Variants in RGS22 observed in about 807,000 individuals in gnomAD.
RGS22 encodes regulator of G protein signaling 22.
Under a neutral mutation model 172.9 loss-of-function variants are expected in RGS22, and 148 were observed. The ratio of observed to expected loss-of-function variants is 0.86; its 90% confidence interval spans 0.75 to 0.98. The LOEUF is 0.98. Ranked by LOEUF, RGS22 falls within the 50% of genes least tolerant of loss-of-function variation. The pLI is 0.00. For synonymous variants in RGS22, 458 were observed against 480.2 expected, an observed-to-expected ratio of 0.95 and a Z score of 0.60; for missense variants, 1,347 against 1,440.8, an observed-to-expected ratio of 0.93 and a Z score of 1.05.
At chr8:100,004,264 A>G (rs956341250) in intron 16 of RGS22, 166 bp from the exon 17 acceptor site, 14 of 388,074 alleles carry the variant, frequency 3.6e-5, no homozygotes, top group African/African-American at 3.1e-4. Context: ...TCTGATTCAG[A>G]TTCTAACATA....
chr8:100,078,838 A>T (rs887440062), intron 4 of RGS22, among the ~76,000 whole-genome samples: 9 of 152,174 alleles, frequency 5.9e-5, no homozygotes, highest in Admixed American at 4.6e-4. Context: ...TGTTGCCCAG[A>T]CTGGTCTCTA....
chr8:100,033,282 A>C (rs544905352), intron 14 of RGS22, among the ~76,000 whole-genome samples: 1 of 152,296 alleles, frequency 6.6e-6, no homozygotes, highest in South Asian at 2.1e-4. Context: ...AAGACTAATA[A>C]AGAAGAAAAG....
chr8:99,968,485 A>T (rs556900054), intron 23 of RGS22, among the ~76,000 whole-genome samples: 2 of 152,234 alleles, frequency 1.3e-5, no homozygotes, highest in South Asian at 4.1e-4. Flanking sequence ...AAGAACATTG[A>T]CAAAAGGTTA....
At chr8:99,988,121 T>A (rs1266884919) in intron 20 of RGS22, among the ~76,000 whole-genome samples, 2 of 151,466 alleles carry the variant, frequency 1.3e-5, no homozygotes, top group African/African-American at 4.8e-5. Context: ...ACTATAGAGC[T>A]TCACTATAAT....
intron 14 of RGS22, among the ~76,000 whole-genome samples, chr8:100,014,776 C>G (rs1228713469): frequency 6.6e-6 from 1 of 152,172 alleles, no homozygotes; most frequent in East Asian, 1.9e-4. Flanking sequence ...CACTCCCTCA[C>G]AGGATTTTTG....
At chr8:100,031,982 C>A (rs1424783678) in intron 14 of RGS22, among the ~76,000 whole-genome samples, 4 of 152,022 alleles carry the variant, frequency 2.6e-5, no homozygotes, top group Admixed American at 2.6e-4. Context: ...GATTTTGTCA[C>A]CACCAGGCCT....
At chr8:100,012,537 G>A (rs1171762156) in intron 14 of RGS22, among the ~76,000 whole-genome samples, 1 of 151,896 alleles carries the variant, frequency 6.6e-6, no homozygotes, top group Non-Finnish European at 1.5e-5. Context: ...AAATATGATG[G>A]TGCCACCGTA....
chr8:100,005,288 T>C (rs565334071), intron 16 of RGS22, among the ~76,000 whole-genome samples: 47 of 152,256 alleles, frequency 3.1e-4, no homozygotes, highest in Admixed American at 5.2e-4. Context: ...TTGGTGAGTG[T>C]CTTTTCAGAT....
At chr8:99,974,855 A>C (rs1400355285) in intron 23 of RGS22, among the ~76,000 whole-genome samples, 2 of 151,764 alleles carry the variant, frequency 1.3e-5, no homozygotes, top group African/African-American at 2.4e-5. Context: ...TGCATTAAAA[A>C]AAGTCTTAAA....
In RGS22 at chr8:100,004,064, G is replaced by T; in HGVS notation, c.2489C>A (p.Ser830Ter). Reference protein sequence around the residue: ...TTCEIGTGILSLSNVSKRTEY... With the variant: ...TTCEIGTGIL ...TGTTCGTTTAGAGACGTTAGAGAGTGATAAAATGCCAGTTCCAATTTCACA... is the reference window on the plus strand; with the variant it reads ...TGTTCGTTTAGAGACGTTAGAGAGTTATAAAATGCCAGTTCCAATTTCACA... Residue 830 changes from serine to a stop codon, truncating the protein, a stop_gained, in exon 17 of 28, where the codon TCA becomes TAA. Coordinates refer to ENST00000360863, the MANE Select transcript of RGS22 (RefSeq NM_015668.5). LOFTEE classifies it high-confidence loss of function. The T allele has an allele frequency of 6.2e-7, 1 of 1,602,180 alleles. No homozygotes were observed. Among genetic ancestry groups the T allele is most frequent in the Non-Finnish European group, 8.5e-7 (1 of 1,173,784 alleles).
intron 9 of RGS22, among the ~76,000 whole-genome samples, chr8:100,056,486 G>C (rs1054964839): frequency 1.3e-5 from 2 of 152,180 alleles, no homozygotes. Flanking sequence ...TAGGCCTGGA[G>C]GCCTAGGGGA....
intron 2 of RGS22, among the ~76,000 whole-genome samples, chr8:100,099,323 C>T (rs1334327098): frequency 1.3e-5 from 2 of 152,188 alleles, no homozygotes; most frequent in Non-Finnish European, 2.9e-5. Context: ...TCTCCTTGTA[C>T]AAAGATACTT....
At position 99,991,361 on chromosome 8, in the gene RGS22, A is replaced by C. The variant is rs185790919; in HGVS notation, c.3019-3742T>G. Among the ~76,000 whole-genome samples, 414 of 152,306 alleles carry C rather than the reference A, an allele frequency of 2.7e-3. 1 individual carries two copies. The highest frequency in any genetic ancestry group is 9.5e-3 in the African/African-American group (394 of 41,564). On this transcript the variant is annotated intron_variant, in intron 20 of 27. Coordinates refer to ENST00000360863, the MANE Select transcript of RGS22 (RefSeq NM_015668.5). ...TGGAACCCATCGCAAGGAAGCTAAAAACCTTGAAAAAAGATTAGATGAATG... is the reference window on the plus strand; with the variant it reads ...TGGAACCCATCGCAAGGAAGCTAAACACCTTGAAAAAAGATTAGATGAATG...
intron 2 of RGS22, among the ~76,000 whole-genome samples, chr8:100,096,204 A>G (rs1216383974): frequency 6.6e-6 from 1 of 152,206 alleles, no homozygotes; most frequent in Non-Finnish European, 1.5e-5. Context: ...ACTTGGCTAT[A>G]TTAAAATGCT....
chr8:100,029,611 G>A (rs1233700930), intron 14 of RGS22, among the ~76,000 whole-genome samples: 2 of 147,924 alleles, frequency 1.4e-5, no homozygotes, highest in African/African-American at 2.5e-5. Context: ...GCTGAAGCAG[G>A]AGAATCATTT....
In RGS22 at chr8:99,962,690, G is replaced by A; in HGVS notation, c.3787C>T (p.Gln1263Ter). The part of the protein sequence containing the change: ...LKKNMSAHSS[Q>*]K ...ATAGACTACACTGGAAACTCACTCT[G>A]GCTGCTGTGGGCAGACATATTCTTT... Residue 1263 changes from glutamine (Q) to a stop codon, truncating the protein, a stop_gained, in exon 26 of 28, where the codon CAG becomes TAG. Coordinates refer to ENST00000360863, the MANE Select transcript of RGS22 (RefSeq NM_015668.5). LOFTEE classifies it high-confidence loss of function. 1 of 1,597,472 alleles carries A rather than the reference G, an allele frequency of 6.3e-7. No homozygotes were observed. Among genetic ancestry groups the A allele is most frequent in the Non-Finnish European group, 8.5e-7 (1 of 1,175,504 alleles).
At chr8:100,041,555 A>G (rs761667235) in intron 12 of RGS22, among the ~76,000 whole-genome samples, 1 of 152,124 alleles carries the variant, frequency 6.6e-6, no homozygotes, top group Non-Finnish European at 1.5e-5. Flanking sequence ...TTCAAGTGTC[A>G]TCATACCAAA....
chr8:99,987,439 C>G lies in RGS22; in HGVS notation c.3180+19G>C. ...TCCTCCTCAAAACAGGTGGTTTTCT[C>G]TAGCTCCCAATACAATACCTTATAT... On this transcript the variant is annotated intron_variant, in intron 21 of 27. Coordinates refer to ENST00000360863, the MANE Select transcript of RGS22 (RefSeq NM_015668.5). The G allele has an allele frequency of 6.5e-7, 1 of 1,546,028 alleles. No individual in the cohort carries two copies. The highest frequency in any genetic ancestry group is 1.9e-5 in the Admixed American group (1 of 53,498).
intron 3 of RGS22, among the ~76,000 whole-genome samples, chr8:100,082,508 C>T (rs535738901): frequency 6.6e-6 from 1 of 152,214 alleles, no homozygotes; most frequent in African/African-American, 2.4e-5. Flanking sequence ...TGCATTAATT[C>T]CCTTGGGTTA....
Sources: gnomAD v4.1 joint callset for allele counts (sites outside exome capture counted in the v4.1 genomes callset) on GRCh38, gnomAD v4.1.1 for gene constraint, MANE v1.5 for transcripts, NCBI Gene and HGNC (gene_info 2026-07-23, HGNC 2026-07-21) for gene names.